Variants in EYS observed in about 807,000 individuals in gnomAD.
EYS encodes the protein EGF-like photoreceptor maintenance factor.
A neutral mutation model predicts 282.1 loss-of-function variants in EYS; 250 were observed. The observed-to-expected ratio is 0.89, with a 90% CI of 0.80 to 0.98. EYS has a LOEUF of 0.98. EYS is among the 50% of genes least tolerant of loss of function. EYS has a pLI of 0.00. For synonymous variants in EYS, 1,355 were observed against 1,282.9 expected (o/e 1.06, Z -1.20); for missense variants, 4,016 against 3,709.0 (o/e 1.08, Z -2.15).
chr6:65,477,679 G>A (rs1357242556), intron 5 of EYS, among the ~76,000 whole-genome samples: 2 of 152,044 alleles, frequency 1.3e-5, no homozygotes, highest in Admixed American at 6.5e-5. Context: ...AAGCAATCAT[G>A]TAATTTTCAG....
intron 31 of EYS, among the ~76,000 whole-genome samples, chr6:64,095,531 T>G (rs1490543155): frequency 2.0e-5 from 3 of 152,186 alleles, no homozygotes; most frequent in African/African-American, 7.2e-5. Context: ...TCTCTTTTGA[T>G]CTTTGTTGGT....
At chr6:65,584,739 T>C (rs925518833) in intron 2 of EYS, among the ~76,000 whole-genome samples, 1 of 151,812 alleles carries the variant, frequency 6.6e-6, no homozygotes, top group Non-Finnish European at 1.5e-5. Flanking sequence ...ATAATTATAA[T>C]ATGAATATTA....
At chr6:64,405,756 G>C (rs990277593) in intron 28 of EYS, among the ~76,000 whole-genome samples, 1 of 152,092 alleles carries the variant, frequency 6.6e-6, no homozygotes, top group African/African-American at 2.4e-5. Context: ...AAATACCTAG[G>C]ATTCAAACTT....
At chr6:64,786,443 C>G (rs1483591817) in intron 22 of EYS, among the ~76,000 whole-genome samples, 1 of 152,122 alleles carries the variant, frequency 6.6e-6, no homozygotes, top group Non-Finnish European at 1.5e-5. Flanking sequence ...CACGAAAAAG[C>G]TGGCTCTCCC....
chr6:64,942,845 A>AC (rs1562268742), intron 15 of EYS, among the ~76,000 whole-genome samples: 24 of 148,566 alleles, frequency 1.6e-4, no homozygotes, highest in East Asian at 8.3e-4. Flanking sequence ...AAAAAAAAAC[A>AC]AAAATGAAGT....
At chr6:64,633,626 CA>C (rs58815312) in intron 22 of EYS, among the ~76,000 whole-genome samples, 19,937 of 140,388 alleles carry the variant, frequency 0.14, 1,352 homozygotes, top group East Asian at 0.26. Flanking sequence ...CTTTTCTCAG[CA>C]AAAAAAAAAA....
intron 2 of EYS, among the ~76,000 whole-genome samples, chr6:65,531,719 C>A (rs1453995527): frequency 2.6e-5 from 4 of 152,064 alleles, no homozygotes; most frequent in African/African-American, 9.7e-5. Flanking sequence ...GGACTGGGTG[C>A]CAGAGCTGGG....
chr6:65,298,058 T>A (rs1768714855), intron 11 of EYS, among the ~76,000 whole-genome samples: 1 of 152,058 alleles, frequency 6.6e-6, no homozygotes, highest in Admixed American at 6.6e-5. Flanking sequence ...AAGAAAATTG[T>A]AGAAAGTTCC....
At chr6:64,692,680 A>G (rs1047358396) in intron 22 of EYS, among the ~76,000 whole-genome samples, 4 of 152,166 alleles carry the variant, frequency 2.6e-5, no homozygotes, top group African/African-American at 9.6e-5. Flanking sequence ...GCTGAATGGT[A>G]GGCATCCAGC....
chr6:65,467,912 C>T (rs1476990213), intron 5 of EYS, among the ~76,000 whole-genome samples: 3 of 151,714 alleles, frequency 2.0e-5, no homozygotes, highest in African/African-American at 7.3e-5. Context: ...AGAGATATAC[C>T]TAAAATGTCT....
intron 29 of EYS, among the ~76,000 whole-genome samples, chr6:64,349,800 T>C (rs575084870): frequency 2.6e-5 from 4 of 151,670 alleles, no homozygotes; most frequent in South Asian, 4.1e-4. Context: ...TATTTATTGC[T>C]AGAGCATAAT....
At chr6:65,302,818 A>T (rs747961928) in intron 11 of EYS, 2 of 1,613,346 alleles carry the variant, frequency 1.2e-6, no homozygotes, top group Non-Finnish European at 8.5e-7. Flanking sequence ...CTCCGAGCAA[A>T]AGTGTGTTGC....
chr6:64,295,518 A>AAAGAAGAAGAAAG (rs540778159), intron 30 of EYS, among the ~76,000 whole-genome samples: 1 of 35,906 alleles, frequency 2.8e-5, no homozygotes, highest in Admixed American at 2.6e-4. Flanking sequence ...AAGAAAGAAG[A>AAAGAAGAAGAAAG]AAGAAGAAAG....
chr6:64,685,690 C>A (rs1770071916), intron 22 of EYS, among the ~76,000 whole-genome samples: 1 of 152,120 alleles, frequency 6.6e-6, no homozygotes, highest in Non-Finnish European at 1.5e-5. Flanking sequence ...CTGCTGCTGG[C>A]ATTTTTTTCT....
chr6:65,495,567 G>A lies in EYS; in HGVS notation c.-157C>T. On this transcript the variant is annotated 5_prime_UTR_variant, in exon 4 of 43. Coordinates refer to ENST00000503581, the MANE Select transcript of EYS (RefSeq NM_001142800.2). ...CCCAAAGTAGCTTTGATGACAATGT[G>A]CTTTGATGGAGAAACAGGAATTCAA... is the stretch of plus-strand genomic sequence containing the variant. 1.5e-6 allele frequency: 1 copy of A among 673,554 alleles called. No homozygotes were observed. Among genetic ancestry groups the A allele is most frequent in the South Asian group, 1.8e-5 (1 of 54,550 alleles). The allele number at this position is 673,554 out of a possible 1,614,324, so 41.7% of individuals were successfully genotyped here. A position where few individuals can be genotyped will look rare whatever the true frequency, so the allele number is the denominator to read the frequency against.
At chr6:64,453,454 C>T (rs1264967690) in intron 26 of EYS, among the ~76,000 whole-genome samples, 1 of 152,124 alleles carries the variant, frequency 6.6e-6, no homozygotes, top group Non-Finnish European at 1.5e-5. Context: ...TGTGGCGATT[C>T]CTCAGGGATC....
chr6:63,990,881 A>G (rs1040527421), intron 34 of EYS, among the ~76,000 whole-genome samples: 1 of 151,708 alleles, frequency 6.6e-6, no homozygotes, highest in Non-Finnish European at 1.5e-5. Flanking sequence ...AGGCTGGTAT[A>G]GCTTCATGGC....
At chr6:64,053,344 A>C (rs770041444) in intron 33 of EYS, among the ~76,000 whole-genome samples, 3 of 152,090 alleles carry the variant, frequency 2.0e-5, no homozygotes, top group Admixed American at 6.6e-5. Context: ...ATGTTCAGTA[A>C]TTTTATAAAG....
chr6:64,965,824 T>G (rs1471326610), intron 14 of EYS, among the ~76,000 whole-genome samples: 1 of 152,174 alleles, frequency 6.6e-6, no homozygotes, highest in Non-Finnish European at 1.5e-5. Flanking sequence ...AGAATATATT[T>G]TATATATTAG....
Sources: allele counts gnomAD v4.1 joint callset (sites outside exome capture counted in the v4.1 genomes callset), GRCh38; gene constraint gnomAD v4.1.1; transcripts MANE v1.5; gene names NCBI Gene and HGNC (gene_info 2026-07-23, HGNC 2026-07-21).